MS4A13: variants seen among roughly 807,000 people sequenced by gnomAD.
MS4A13 encodes the protein membrane spanning 4-domains A13.
Under a neutral mutation model 18.4 loss-of-function variants are expected in MS4A13, and 21 were observed. The ratio of observed to expected loss-of-function variants is 1.14; its 90% CI spans 0.81 to 1.64. The LOEUF is 1.64. Ranked by LOEUF, MS4A13 falls within the 40% of genes most tolerant of loss-of-function variation. MS4A13 has a pLI of 0.00. For synonymous variants in MS4A13, 62 were observed against 57.2 expected, an observed-to-expected ratio of 1.08 and a Z score of -0.38; for missense variants, 173 against 176.8, an observed-to-expected ratio of 0.98 and a Z score of 0.12.
intron 6 of MS4A13, 115 bp from the exon 7 acceptor site, chr11:60,542,404 G>A: frequency 1.8e-6 from 1 of 559,130 alleles, no homozygotes; most frequent in East Asian, 3.0e-5. Flanking sequence ...GATACTTTAA[G>A]ATTTCACTCT....
At chr11:60,528,536 A>G (rs2135259485) in intron 5 of MS4A13, among the ~76,000 whole-genome samples, 1 of 152,326 alleles carries the variant, frequency 6.6e-6, no homozygotes, top group East Asian at 1.9e-4. Context: ...TTGCATTCCT[A>G]TCATCTAATT....
At chr11:60,538,189 AAACG>A (rs1396077918) in intron 6 of MS4A13, among the ~76,000 whole-genome samples, 6 of 150,942 alleles carry the variant, frequency 4.0e-5, no homozygotes, top group South Asian at 2.1e-4. Context: ...AAAAAAAAAA[AAACG>A]AAAAAAAAAA....
intron 6 of MS4A13, among the ~76,000 whole-genome samples, chr11:60,529,784 A>G (rs766767498): frequency 1.3e-5 from 2 of 152,218 alleles, no homozygotes; most frequent in Non-Finnish European, 2.9e-5. Context: ...TATGTATTAT[A>G]TTCACATTAT....
chr11:60,540,107 A>T (rs1291630650), intron 6 of MS4A13, among the ~76,000 whole-genome samples: 2 of 152,238 alleles, frequency 1.3e-5, no homozygotes, highest in Admixed American at 1.3e-4. Context: ...AGTAGCATTA[A>T]TTGCATTGGG....
intron 6 of MS4A13, among the ~76,000 whole-genome samples, chr11:60,539,304 A>G (rs2086837611): frequency 2.0e-5 from 3 of 152,102 alleles, no homozygotes. Context: ...GAAAAACCCA[A>G]TGGAGGTTCT....
At chr11:60,527,361 CGTCTCTCTCT>C (rs1281696103) in intron 5 of MS4A13, among the ~76,000 whole-genome samples, 951 of 76,124 alleles carry the variant, frequency 0.012, 19 homozygotes, top group South Asian at 0.02. Context: ...TCATTCATTC[CGTCTCTCTCT>C]CTCTCTCTCT....
intron 5 of MS4A13, among the ~76,000 whole-genome samples, chr11:60,526,772 G>A (rs2086716224): frequency 1.3e-5 from 2 of 152,202 alleles, no homozygotes; most frequent in African/African-American, 4.8e-5. Flanking sequence ...TTCCCAGGCA[G>A]GGTCAGAAAA....
intron 6 of MS4A13, among the ~76,000 whole-genome samples, chr11:60,540,405 C>A (rs1348227661): frequency 6.6e-6 from 1 of 151,944 alleles, no homozygotes; most frequent in Non-Finnish European, 1.5e-5. Flanking sequence ...AATTATAACA[C>A]CATATTGGTA....
chr11:60,520,618 G>T (rs1456378043), intron 3 of MS4A13, among the ~76,000 whole-genome samples: 1 of 152,252 alleles, frequency 6.6e-6, no homozygotes. Context: ...TTATGCTGAT[G>T]CAAGAGGTGG....
chr11:60,531,855 C>T (rs1004726719), intron 6 of MS4A13, among the ~76,000 whole-genome samples: 4 of 152,044 alleles, frequency 2.6e-5, no homozygotes, highest in African/African-American at 9.7e-5. Flanking sequence ...ACTTCATTGC[C>T]AGTTAAAAGA....
At chr11:60,539,018 G>A (rs1289806903) in intron 6 of MS4A13, among the ~76,000 whole-genome samples, 5 of 134,938 alleles carry the variant, frequency 3.7e-5, no homozygotes, top group Non-Finnish European at 7.8e-5. Context: ...ACTGAGTTCT[G>A]CAAACAACCT....
chr11:60,518,291 T>G, intron 3 of MS4A13, 79 bp downstream of exon 3: 98 of 1,216,362 alleles, frequency 8.1e-5, no homozygotes, highest in Middle Eastern at 2.8e-4. Flanking sequence ...GGGAACGGTT[T>G]CTGAACAAGG....
intron 3 of MS4A13, among the ~76,000 whole-genome samples, chr11:60,519,113 C>T (rs1490824694): frequency 1.3e-5 from 2 of 152,122 alleles, no homozygotes; most frequent in Non-Finnish European, 2.9e-5. Context: ...TTTTGATGCA[C>T]AAATAGCTAG....
At chr11:60,532,290 A>T (rs1353627574) in intron 6 of MS4A13, among the ~76,000 whole-genome samples, 2 of 152,190 alleles carry the variant, frequency 1.3e-5, no homozygotes, top group Non-Finnish European at 2.9e-5. Flanking sequence ...AGTGCCAGAC[A>T]GTGGGCGCAG....
Position 60,518,119 on chromosome 11 carries a change from TC to T in MS4A13, c.37del (p.Leu13TyrfsTer19). The T allele has an allele frequency of 3.7e-6, 6 of 1,608,164 alleles. No homozygotes were observed. The highest frequency in any genetic ancestry group is 4.3e-6 in the Non-Finnish European group (5 of 1,175,372). On this transcript the variant is annotated frameshift_variant, in exon 3 of 7. Transcript: ENST00000378186. LOFTEE classifies it high-confidence loss of function. ...GIFHIFMWYF[L>X]LVLYMGQIKG... Reference sequence around the variant, plus strand: ...TCTTTCACATTTTCATGTGGTACTTTCTATTGGTTTTGTATATGGGACAAAT... The same window carrying T: ...TCTTTCACATTTTCATGTGGTACTTTTATTGGTTTTGTATATGGGACAAAT...
chr11:60,540,323 G>C (rs531572552), intron 6 of MS4A13, among the ~76,000 whole-genome samples: 2 of 152,206 alleles, frequency 1.3e-5, no homozygotes, highest in South Asian at 4.2e-4. Flanking sequence ...ATCATAGCTT[G>C]CCAACCCTTC....
rs535633496 is a variant in MS4A13 at position 60,528,320 on chromosome 11, G to A, written c.307-1045G>A. ...GCCTAGAATGCTGTTTCCTTCCTTC[G>A]TTTTTCTCAGTCCTACCCTTATTTC... On this transcript the variant is annotated intron_variant, in intron 5 of 6. Transcript: ENST00000378186. Among the ~76,000 whole-genome samples the A allele has an allele frequency of 3.9e-5, 6 of 152,240 alleles. No homozygotes were observed. In the South Asian group the frequency reaches 8.3e-4, roughly 21 times the overall value.
intron 4 of MS4A13, among the ~76,000 whole-genome samples, chr11:60,524,620 A>T (rs1251844111): frequency 1.3e-5 from 2 of 150,320 alleles, no homozygotes; most frequent in African/African-American, 2.5e-5. Flanking sequence ...CATATCTTAT[A>T]TGCTTTCTTC....
intron 6 of MS4A13, among the ~76,000 whole-genome samples, chr11:60,542,195 A>G (rs2086864861): frequency 7.1e-6 from 1 of 141,096 alleles, no homozygotes; most frequent in Non-Finnish European, 1.6e-5. Context: ...GAAAGGGAAG[A>G]AAGGGAGGAA....
Sources: allele counts gnomAD v4.1 joint callset (sites outside exome capture counted in the v4.1 genomes callset), GRCh38; gene constraint gnomAD v4.1.1; transcripts MANE v1.5; gene names NCBI Gene and HGNC (gene_info 2026-07-23, HGNC 2026-07-21).